HDAC9: variants seen among roughly 807,000 people sequenced by gnomAD.
The protein encoded by HDAC9 is histone deacetylase 9.
Under a neutral mutation model 139.4 loss-of-function variants are expected in HDAC9, and 41 were observed. The ratio of observed to expected loss-of-function variants is 0.29; its 90% confidence interval spans 0.23 to 0.38. The LOEUF is 0.38. Ranked by LOEUF, HDAC9 falls within the 10% of genes least tolerant of loss-of-function variation. HDAC9 has a pLI of 1.00. For missense variants in HDAC9, 1,147 were observed against 1,297.0 expected (o/e 0.88, Z 1.78); for synonymous variants, 517 against 476.2 (o/e 1.09, Z -1.12).
intron 2 of HDAC9, among the ~76,000 whole-genome samples, chr7:18,199,239 A>G (rs900036779): frequency 2.0e-5 from 3 of 152,142 alleles, no homozygotes; most frequent in Non-Finnish European, 4.4e-5. Flanking sequence ...AATGCTAGAA[A>G]TATTGTTGAT....
chr7:18,919,778 G>A (rs1419044098), intron 22 of HDAC9, among the ~76,000 whole-genome samples: 2 of 151,902 alleles, frequency 1.3e-5, no homozygotes, highest in Admixed American at 6.6e-5. Context: ...TTTTATTTTT[G>A]TTTTGGTATG....
intron 1 of HDAC9, among the ~76,000 whole-genome samples, chr7:18,090,264 C>G (rs1267723462): frequency 4.6e-5 from 7 of 152,154 alleles, no homozygotes; most frequent in African/African-American, 1.7e-4. Context: ...GCTCCTGTGT[C>G]TTATGATAAC....
At chr7:18,176,934 A>G (rs1788955486) in intron 2 of HDAC9, among the ~76,000 whole-genome samples, 1 of 152,228 alleles carries the variant, frequency 6.6e-6, no homozygotes, top group Admixed American at 6.5e-5. Context: ...ATTAGCAGAA[A>G]AATGCAGGAA....
chr7:18,696,592 C>G (rs113922851), intron 12 of HDAC9, among the ~76,000 whole-genome samples: 2 of 151,606 alleles, frequency 1.3e-5, no homozygotes, highest in Non-Finnish European at 2.9e-5. Context: ...CTCAGCCTCC[C>G]GAGTAGCTGG....
At chr7:18,678,820 A>G (rs1241863991) in intron 12 of HDAC9, among the ~76,000 whole-genome samples, 2 of 151,938 alleles carry the variant, frequency 1.3e-5, no homozygotes, top group Non-Finnish European at 2.9e-5. Flanking sequence ...TTTCCATTCA[A>G]TGTTAGACAA....
At chr7:18,696,208 G>A (rs984483671) in intron 12 of HDAC9, among the ~76,000 whole-genome samples, 2 of 151,660 alleles carry the variant, frequency 1.3e-5, no homozygotes, top group Admixed American at 6.6e-5. Context: ...CCAAATAGAC[G>A]TTTAATTCAA....
At chr7:18,344,262 A>G (rs1254614653) in intron 1 of HDAC9, among the ~76,000 whole-genome samples, 1 of 151,868 alleles carries the variant, frequency 6.6e-6, no homozygotes. Context: ...AAGATATCAG[A>G]GGTATTATTT....
At chr7:18,733,088 T>C (rs1175919236) in intron 13 of HDAC9, among the ~76,000 whole-genome samples, 2 of 145,870 alleles carry the variant, frequency 1.4e-5, no homozygotes, top group Non-Finnish European at 3.0e-5. Flanking sequence ...TATACACATA[T>C]ATACATGTGT....
At chr7:18,949,351 C>G (rs1011233824) in intron 23 of HDAC9, 103 of 258,978 alleles carry the variant, frequency 4.0e-4, no homozygotes, top group African/African-American at 2.2e-3. Flanking sequence ...TCCAGATATA[C>G]TTAAGAGCTT....
rs138937379 is a variant in HDAC9, at chr7:18,672,863, C to A, written c.1731+6387C>A. Among the ~76,000 whole-genome samples, 585 of 151,918 alleles carry A rather than the reference C, an allele frequency of 3.9e-3. 3 individuals are homozygous for A. Among genetic ancestry groups the A allele is most frequent in the Middle Eastern group, 0.02 (6 of 294 alleles). On this transcript the variant is annotated intron_variant, in intron 12 of 25. Coordinates refer to ENST00000686413, the MANE Select transcript of HDAC9 (RefSeq NM_178425.4). ...ATATGAGTTGATGCAAAAGTAATTGCGGTTTTTGCAATTACTAGTTGCAAT... is the reference window on the plus strand; with the variant it reads ...ATATGAGTTGATGCAAAAGTAATTGAGGTTTTTGCAATTACTAGTTGCAAT...
At chr7:18,740,025 A>C (rs75616184) in intron 13 of HDAC9, among the ~76,000 whole-genome samples, 8,823 of 152,238 alleles carry the variant, frequency 0.058, 542 homozygotes, top group African/African-American at 0.14. Flanking sequence ...TCCATCTCAG[A>C]CTGCTCTGCT....
intron 2 of HDAC9, among the ~76,000 whole-genome samples, chr7:18,577,879 A>T (rs1044423484): frequency 6.6e-6 from 1 of 152,152 alleles, no homozygotes; most frequent in African/African-American, 2.4e-5. Flanking sequence ...ATGAAACCCA[A>T]TCCATAATAC....
chr7:18,154,628 G>A (rs377264855), intron 1 of HDAC9, among the ~76,000 whole-genome samples: 7 of 152,248 alleles, frequency 4.6e-5, no homozygotes, highest in East Asian at 1.9e-4. Context: ...CTTCCAGACC[G>A]CCTAGCTAGT....
intron 1 of HDAC9, among the ~76,000 whole-genome samples, chr7:18,423,377 A>T (rs1789821095): frequency 6.6e-6 from 1 of 152,224 alleles, no homozygotes; most frequent in African/African-American, 2.4e-5. Context: ...GACAATATTA[A>T]AAGAGCTTAG....
At chr7:18,542,315 A>G (rs7780101) in intron 2 of HDAC9, among the ~76,000 whole-genome samples, 4 of 152,170 alleles carry the variant, frequency 2.6e-5, no homozygotes, top group African/African-American at 9.7e-5. Context: ...CAAATTACCA[A>G]CTTCTCTATA....
chr7:18,429,930 A>G (rs990955464), intron 1 of HDAC9, among the ~76,000 whole-genome samples: 27 of 152,344 alleles, frequency 1.8e-4, no homozygotes, highest in African/African-American at 6.3e-4. Flanking sequence ...AGGGACTACA[A>G]TGTAAACTAA....
intron 2 of HDAC9, among the ~76,000 whole-genome samples, chr7:18,183,130 T>C (rs182693220): frequency 1.4e-3 from 206 of 151,972 alleles, no homozygotes; most frequent in African/African-American, 2.6e-3. Flanking sequence ...CTGCCTCAGC[T>C]TCCCGAGTAG....
chr7:18,259,894 A>G (rs1476480191), intron 2 of HDAC9, among the ~76,000 whole-genome samples: 3 of 152,218 alleles, frequency 2.0e-5, no homozygotes, highest in Admixed American at 6.5e-5. Context: ...AGTCGTCATG[A>G]CAATATGTGA....
chr7:18,376,094 A>C (rs1428170779), intron 1 of HDAC9, among the ~76,000 whole-genome samples: 1 of 152,096 alleles, frequency 6.6e-6, no homozygotes, highest in African/African-American at 2.4e-5. Flanking sequence ...TCTGAGCCAG[A>C]GGGCAGTTTG....
Sources: gnomAD v4.1 joint callset for allele counts (sites outside exome capture counted in the v4.1 genomes callset) on GRCh38, gnomAD v4.1.1 for gene constraint, MANE v1.5 for transcripts, NCBI Gene and HGNC (gene_info 2026-07-23, HGNC 2026-07-21) for gene names.